MLLT6: variants seen among roughly 807,000 people sequenced by gnomAD.
MLLT6 encodes protein AF-17.
A neutral mutation model predicts 103.0 loss-of-function variants in MLLT6; 22 were observed. That is an observed-to-expected ratio of 0.21 (90% CI 0.15 to 0.31). The LOEUF (loss-of-function observed/expected upper bound fraction) is 0.31. Ranked by LOEUF, MLLT6 falls within the 10% of genes least tolerant of loss-of-function variation. The probability of loss-of-function intolerance (pLI) is 1.00; values close to 1 mark genes in which losing one functional copy is unlikely to be tolerated. For synonymous variants in MLLT6, 606 were observed against 623.5 expected (o/e 0.97, Z 0.42); for missense variants, 1,199 against 1,441.7 (o/e 0.83, Z 2.73).
Position 38,716,628 on chromosome 17 carries a change from C to T in MLLT6, c.1298C>T (p.Thr433Met), listed in dbSNP as rs757488825. Residue 433 changes from threonine (T) to methionine (M), a missense_variant, in exon 10 of 20, where the codon ACG becomes ATG. Thr to Met is a moderately conservative substitution (Grantham distance 81). Transcript: ENST00000621332. The surrounding 1 kb of genome is among the most constrained non-coding windows in gnomAD (Gnocchi z 5.6). ...SPGDYKSPHV[T>M]GSGASAGTHK... is the part of the protein sequence containing the mutation. ...GGGGACTATAAGTCTCCCCACGTCA[C>T]GGGGTCTGGGGCCTCGGCAGGCACC... 10 of 1,613,778 alleles carry T rather than the reference C, an allele frequency of 6.2e-6. No individual in the cohort carries two copies. In the African/African-American group the frequency reaches 6.7e-5, roughly 11 times the overall value.
At chr17:38,715,399 C>T (rs1210632022) in intron 8 of MLLT6, 6 of 654,146 alleles carry the variant, frequency 9.2e-6, no homozygotes, top group Admixed American at 7.0e-5. Flanking sequence ...TCAGTGAATT[C>T]CCCTCTGCCT....
chr17:38,721,050 G>C (rs1375623010), intron 16 of MLLT6: 4 of 497,688 alleles, frequency 8.0e-6, no homozygotes, highest in Non-Finnish European at 1.4e-5. Context: ...TGAGGGCTGT[G>C]AGAGAGAGAA....
chr17:38,721,064 G>C, intron 16 of MLLT6: 1 of 464,662 alleles, frequency 2.2e-6, no homozygotes, highest in South Asian at 2.4e-5. Context: ...GAGAGAACGG[G>C]GGAGGGCTGC....
chr17:38,720,101 C>T (rs529883787), intron 14 of MLLT6: 31 of 777,198 alleles, frequency 4.0e-5, no homozygotes, highest in Middle Eastern at 3.7e-4. Flanking sequence ...GCCTTCGTGG[C>T]CTCCGGGCCC....
intron 6 of MLLT6, among the ~76,000 whole-genome samples, chr17:38,711,321 A>G (rs1277175337): frequency 6.6e-6 from 1 of 152,100 alleles, no homozygotes; most frequent in Non-Finnish European, 1.5e-5. Flanking sequence ...TAAGGGCAGC[A>G]TATCCTTTGG....
rs975079852 is a variant in MLLT6 at position 38,707,433 on chromosome 17, G to A, written c.190-53G>A. On this transcript the variant is annotated intron_variant, in intron 2 of 19. Transcript: ENST00000621332. ...CCTGGGACCCCTTGAACGTGTTCAGGGAGGGTCCAGCTCAGCAGATCCCCC... is the reference window on the plus strand; with the variant it reads ...CCTGGGACCCCTTGAACGTGTTCAGAGAGGGTCCAGCTCAGCAGATCCCCC... 57 of 1,585,704 alleles carry A rather than the reference G, an allele frequency of 3.6e-5. No individual in the cohort carries two copies. In the Middle Eastern group the frequency reaches 6.7e-4, roughly 19 times the overall value.
rs944603427 is a variant in MLLT6 at position 38,729,512 on chromosome 17, C to T, written c.*3914C>T. 1.5e-4 allele frequency: 34 copies of T among 233,416 alleles called. No individual in the cohort carries two copies. The highest frequency in any genetic ancestry group is 2.5e-5 in the Non-Finnish European group (3 of 117,960). 14.5% of individuals were successfully genotyped at this position (233,416 alleles called of 1,614,324 possible). ...CTGGAGACCTCACCCCTGCTCCCGT[C>T]CCGCCCCCTTTCTATCCCAACCTGT... On this transcript the variant is annotated 3_prime_UTR_variant, in exon 20 of 20. Transcript: ENST00000621332.
At chr17:38,719,618 G>T in intron 13 of MLLT6, 35 bp downstream of exon 13, 1 of 1,584,166 alleles carries the variant, frequency 6.3e-7, no homozygotes. Context: ...AGGGGCTGGG[G>T]GCAGGAGGGA....
intron 2 of MLLT6, 30 bp from the exon 3 acceptor site, chr17:38,707,456 C>G (rs1281063849): frequency 1.2e-6 from 2 of 1,613,160 alleles, no homozygotes; most frequent in East Asian, 2.2e-5. Context: ...CAGCAGATCC[C>G]CCAACCCCTG....
In MLLT6 at chr17:38,725,746, T is replaced by C. The variant is rs1905991445; in HGVS notation, c.*148T>C. On this transcript the variant is annotated 3_prime_UTR_variant, in exon 20 of 20. Transcript: ENST00000621332. Reference sequence around the variant, plus strand: ...AGGTCCAGGGAGTGTGGAGAGCTCCTGGTGTCGAGGACTGAGACTGAGAGG... The same window carrying C: ...AGGTCCAGGGAGTGTGGAGAGCTCCCGGTGTCGAGGACTGAGACTGAGAGG... The C allele has an allele frequency of 1.5e-6, 1 of 660,594 alleles. No homozygotes were observed. Among genetic ancestry groups the C allele is most frequent in the East Asian group, 3.3e-5 (1 of 30,698 alleles). The allele number at this position is 660,594 out of a possible 1,614,324, so 40.9% of individuals were successfully genotyped here. A position where few individuals can be genotyped will look rare whatever the true frequency, so the allele number is the denominator to read the frequency against.
At position 38,719,708 on chromosome 17, in the gene MLLT6, G is replaced by C; in HGVS notation, c.2010-42G>C. 1.9e-6 allele frequency: 3 copies of C among 1,593,058 alleles called. No individual in the cohort carries two copies. In the African/African-American group the frequency reaches 4.0e-5, roughly 21 times the overall value. On this transcript the variant is annotated intron_variant, in intron 13 of 19. Transcript: ENST00000621332. ...ACGGGAGAAGGGCCAGAGGAGCCTG[G>C]AGTGGTCGGGTCGACTGAACCCAGG... is the stretch of plus-strand genomic sequence containing the variant.
At chr17:38,707,938 T>C (rs544572024) in intron 4 of MLLT6, 66 bp downstream of exon 4, 7 of 1,002,862 alleles carry the variant, frequency 7.0e-6, no homozygotes, top group African/African-American at 1.6e-5. Context: ...CAACGCTCTC[T>C]TCATCCGGTG....
At chr17:38,707,948 G>T in intron 4 of MLLT6, 76 bp downstream of exon 4, 1 of 961,504 alleles carries the variant, frequency 1.0e-6, no homozygotes, top group Non-Finnish European at 1.6e-6. Context: ...TTCATCCGGT[G>T]TAATTTGATT....
chr17:38,724,888 C>T lies in MLLT6; in HGVS notation c.3152C>T (p.Ala1051Val), dbSNP rs1427791843. Residue 1051 changes from alanine (A) to valine (V), a missense_variant, in exon 19 of 20, where the codon GCA becomes GTA. By Grantham distance (64) the Ala-to-Val change is moderately conservative (BLOSUM62 0). Around this residue, in one of 7 missense-constraint regions of MLLT6, gnomAD observed 55 missense variants for 93.3 expected, o/e 0.59. Coordinates refer to ENST00000621332, the MANE Select transcript of MLLT6 (RefSeq NM_005937.4). This position sits in a 1 kb window ranked among gnomAD's most constrained non-coding sequence, Gnocchi z 5.4. Reference sequence around the variant, plus strand: ...GCTGCAGCTGCAGCAGTAGCAGCAGCAGGCGGACCTCCAGTCCTCACTGCC... The same window carrying T: ...GCTGCAGCTGCAGCAGTAGCAGCAGTAGGCGGACCTCCAGTCCTCACTGCC... ...AAAAAAAVAAAGGPPVLTAQT... is the reference protein window; with the variant it reads ...AAAAAAAVAAVGGPPVLTAQT... The T allele has an allele frequency of 1.3e-6, 2 of 1,557,096 alleles. No individual in the cohort carries two copies. The highest frequency in any genetic ancestry group is 1.7e-6 in the Non-Finnish European group (2 of 1,150,596).
intron 14 of MLLT6, chr17:38,720,148 T>A: frequency 2.9e-6 from 2 of 694,410 alleles, no homozygotes; most frequent in Non-Finnish European, 4.7e-6. Context: ...CCTTCTCTCC[T>A]GACCCGTGTG....
At chr17:38,719,701 G>T in intron 13 of MLLT6, 49 bp from the exon 14 acceptor site, 3 of 1,586,934 alleles carry the variant, frequency 1.9e-6, no homozygotes, top group Non-Finnish European at 2.6e-6. Flanking sequence ...AGGGCCAGAG[G>T]AGCCTGGAGT....
At position 38,711,917 on chromosome 17, in the gene MLLT6, G is replaced by T; in HGVS notation, c.623G>T (p.Gly208Val). The change falls in exon 7 of 20, where the codon GGT becomes GTT. Residue 208 changes from glycine (G) to valine (V), a missense_variant. Gly to Val is a moderately radical substitution (Grantham distance 109, BLOSUM62 -3). Around this residue, in one of 7 missense-constraint regions of MLLT6, gnomAD observed 1,034 missense variants for 1,091.5 expected, o/e 0.95. Transcript: ENST00000621332. ...AGGGGGSMGG[G>V]GSGFISGRRS... ...GGAGGAGGTGGCAGCATGGGGGGAG[G>T]TGGCAGTGGTTTCATCTCTGGGAGG... 1.2e-6 allele frequency: 2 copies of T among 1,609,164 alleles called. No individual in the cohort carries two copies. Among genetic ancestry groups the T allele is most frequent in the Non-Finnish European group, 1.7e-6 (2 of 1,177,452 alleles).
At position 38,721,953 on chromosome 17, in the gene MLLT6, C is replaced by T. The variant is rs1391063699; in HGVS notation, c.2518C>T (p.Leu840Phe). 6.6e-7 allele frequency: 1 copy of T among 1,524,024 alleles called. No homozygotes were observed. The highest frequency in any genetic ancestry group is 8.8e-7 in the Non-Finnish European group (1 of 1,141,064). 94.4% of individuals were successfully genotyped at this position (1,524,024 alleles called of 1,614,324 possible). The change falls in exon 17 of 20, where the codon CTC becomes TTC. Residue 840 changes from leucine (L) to phenylalanine (F), a missense_variant. Physicochemically the swap from Leu to Phe is conservative, Grantham distance 22. Coordinates refer to ENST00000621332, the MANE Select transcript of MLLT6 (RefSeq NM_005937.4). Reference sequence around the variant, plus strand: ...CAGCACGCCCCCACCGCTGCCCCTCCTCCAGCAGAGCCCTGCCACTCTGCC... The same window carrying T: ...CAGCACGCCCCCACCGCTGCCCCTCTTCCAGCAGAGCCCTGCCACTCTGCC... ...FHSTPPPLPL[L>F]QQSPATLPLA...
rs2143662938 is a variant in MLLT6 at position 38,707,343 on chromosome 17, C to T, written c.190-143C>T. On this transcript the variant is annotated intron_variant, in intron 2 of 19. Transcript: ENST00000621332. Reference sequence around the variant, plus strand: ...CCCCTTCCTCATTTTCAACAGTTACCAACTCATGGCCAATCCTGTTTCCAC... The same window carrying T: ...CCCCTTCCTCATTTTCAACAGTTACTAACTCATGGCCAATCCTGTTTCCAC... 7.0e-6 allele frequency: 5 copies of T among 712,392 alleles called. No individual in the cohort carries two copies. The East Asian group carries it at 1.3e-4, about 18-fold the overall frequency. 44.1% of individuals were successfully genotyped at this position (712,392 alleles called of 1,614,324 possible).
Sources: gnomAD v4.1 joint callset for allele counts (sites outside exome capture counted in the v4.1 genomes callset) on GRCh38, gnomAD v4.1.1 for gene constraint, gnomAD v4.1.1 regional missense constraint, Gnocchi (gnomAD v3.1) non-coding constraint, MANE v1.5 for transcripts, NCBI Gene and HGNC (gene_info 2026-07-23, HGNC 2026-07-21) for gene names.